BNC2: variants seen among roughly 807,000 people sequenced by gnomAD.
BNC2 encodes the protein zinc finger protein basonuclin-2.
A neutral mutation model predicts 76.3 loss-of-function variants in BNC2; 20 were observed. The observed-to-expected ratio is 0.26, with a 90% CI of 0.18 to 0.38. The LOEUF is 0.38. Ranked by LOEUF, BNC2 falls within the 10% of genes least tolerant of loss-of-function variation. BNC2 has a pLI of 1.00. For missense variants in BNC2, 1,382 were observed against 1,399.8 expected, an observed-to-expected ratio of 0.99 and a Z score of 0.20; for synonymous variants, 582 against 514.8, an observed-to-expected ratio of 1.13 and a Z score of -1.77.
intron 1 of BNC2, among the ~76,000 whole-genome samples, chr9:16,753,737 C>T (rs1372627995): frequency 6.6e-6 from 1 of 152,182 alleles, no homozygotes; most frequent in Non-Finnish European, 1.5e-5. Flanking sequence ...ATAAATATTT[C>T]TTCAAAATAA....
chr9:16,856,826 A>G (rs1359662682), intron 1 of BNC2, among the ~76,000 whole-genome samples: 1 of 152,192 alleles, frequency 6.6e-6, no homozygotes, highest in East Asian at 1.9e-4. Context: ...ACCTGTTAGC[A>G]TTCGTGTTGA....
At chr9:16,802,777 G>T (rs1278803985) in intron 1 of BNC2, among the ~76,000 whole-genome samples, 2 of 152,202 alleles carry the variant, frequency 1.3e-5, no homozygotes, top group South Asian at 2.1e-4. Flanking sequence ...TTCAGACCTA[G>T]AGATTCTGCT....
chr9:16,756,730 C>T (rs1003800327), intron 1 of BNC2, among the ~76,000 whole-genome samples: 1 of 152,182 alleles, frequency 6.6e-6, no homozygotes, highest in Non-Finnish European at 1.5e-5. Flanking sequence ...GGGCTCACGC[C>T]TATAATCCCA....
chr9:16,800,511 T>C (rs1375042344), intron 1 of BNC2, among the ~76,000 whole-genome samples: 1 of 152,116 alleles, frequency 6.6e-6, no homozygotes, highest in African/African-American at 2.4e-5. Flanking sequence ...AACCAGTTAC[T>C]TAACCAGTAA....
chr9:16,843,568 A>G (rs879755129), intron 1 of BNC2, among the ~76,000 whole-genome samples: 7 of 152,206 alleles, frequency 4.6e-5, no homozygotes, highest in Non-Finnish European at 8.8e-5. Context: ...TCCTGACCTC[A>G]AGTGATCCAC....
At chr9:16,870,171 G>A (rs1434665250) in intron 1 of BNC2, among the ~76,000 whole-genome samples, 4 of 146,456 alleles carry the variant, frequency 2.7e-5, no homozygotes, top group African/African-American at 1.0e-4. Flanking sequence ...CGGCACCCAC[G>A]CCCAGCCGCC....
At chr9:16,578,992 GA>G (rs976785533) in intron 4 of BNC2, among the ~76,000 whole-genome samples, 2 of 150,942 alleles carry the variant, frequency 1.3e-5, no homozygotes, top group African/African-American at 2.4e-5. Context: ...TTTACCAAGA[GA>G]AAAAAAAATG....
At chr9:16,484,738 C>A (rs1822125491) in intron 5 of BNC2, among the ~76,000 whole-genome samples, 1 of 152,194 alleles carries the variant, frequency 6.6e-6, no homozygotes, top group Non-Finnish European at 1.5e-5. Context: ...TCAGGTGCTA[C>A]ATTTCACTGT....
chr9:16,451,883 C>T (rs543928238), intron 5 of BNC2, among the ~76,000 whole-genome samples: 1 of 152,238 alleles, frequency 6.6e-6, no homozygotes, highest in East Asian at 1.9e-4. Flanking sequence ...TTTATAAATG[C>T]TATGAATGTA....
intron 4 of BNC2, among the ~76,000 whole-genome samples, chr9:16,577,484 C>T (rs1263066180): frequency 6.6e-6 from 1 of 151,888 alleles, no homozygotes; most frequent in African/African-American, 2.4e-5. Flanking sequence ...TCATCATTTC[C>T]GTGGAAGAAC....
intron 5 of BNC2, among the ~76,000 whole-genome samples, chr9:16,456,265 C>G (rs1350585608): frequency 6.6e-6 from 1 of 152,136 alleles, no homozygotes; most frequent in African/African-American, 2.4e-5. Flanking sequence ...CTTTCAGCAT[C>G]TGTTTTTATG....
chr9:16,435,104 A>G (rs765353811), intron 6 of BNC2: 15 of 471,222 alleles, frequency 3.2e-5, no homozygotes, highest in Non-Finnish European at 6.6e-5. Flanking sequence ...CTGTTTCTAT[A>G]TTGGATAAAT....
Position 16,418,942 on chromosome 9 carries a change from C to T in BNC2, c.*47G>A, listed in dbSNP as rs779932369. ...CACACTGACTATGGCAGTTCAAACACGTAGGCCATCTGGTGAGAGCTGGCA... is the reference window on the plus strand; with the variant it reads ...CACACTGACTATGGCAGTTCAAACATGTAGGCCATCTGGTGAGAGCTGGCA... On this transcript the variant is annotated 3_prime_UTR_variant, in exon 7 of 7. Coordinates refer to ENST00000380672, the MANE Select transcript of BNC2 (RefSeq NM_017637.6). 9.3e-6 allele frequency: 15 copies of T among 1,605,128 alleles called. No homozygotes were observed. The highest frequency in any genetic ancestry group is 1.6e-4 in the Middle Eastern group (1 of 6,068).
intron 1 of BNC2, among the ~76,000 whole-genome samples, chr9:16,840,619 A>T (rs1818802531): frequency 6.6e-6 from 1 of 152,192 alleles, no homozygotes; most frequent in African/African-American, 2.4e-5. Context: ...AAGACTCAAG[A>T]ACTTAGATGG....
intron 1 of BNC2, among the ~76,000 whole-genome samples, chr9:16,844,292 TA>T (rs1174283802): frequency 6.6e-6 from 1 of 151,982 alleles, no homozygotes; most frequent in East Asian, 1.9e-4. Flanking sequence ...TACGACTAAA[TA>T]CTATTAATAT....
chr9:16,549,352 C>T (rs1818588355), intron 5 of BNC2, among the ~76,000 whole-genome samples: 1 of 152,206 alleles, frequency 6.6e-6, no homozygotes, highest in African/African-American at 2.4e-5. Context: ...GACTAACAGC[C>T]ACCCTAACCT....
intron 3 of BNC2, among the ~76,000 whole-genome samples, chr9:16,620,923 T>C (rs771523156): frequency 4.6e-5 from 7 of 152,154 alleles, no homozygotes; most frequent in Non-Finnish European, 8.8e-5. Context: ...CACCTGGAAC[T>C]GCTATACCTT....
At chr9:16,573,112 C>T (rs1218878801) in intron 4 of BNC2, among the ~76,000 whole-genome samples, 1 of 151,060 alleles carries the variant, frequency 6.6e-6, no homozygotes, top group Non-Finnish European at 1.5e-5. Context: ...CCTGTGGTCC[C>T]AGCTACTCAG....
chr9:16,710,890 T>C (rs888758458), intron 3 of BNC2, among the ~76,000 whole-genome samples: 4 of 152,148 alleles, frequency 2.6e-5, no homozygotes, highest in Non-Finnish European at 5.9e-5. Flanking sequence ...ACTGGGAAAA[T>C]GAAGAAAAAC....
Sources: allele counts gnomAD v4.1 joint callset (sites outside exome capture counted in the v4.1 genomes callset), GRCh38; gene constraint gnomAD v4.1.1; transcripts MANE v1.5; gene names NCBI Gene and HGNC (gene_info 2026-07-23, HGNC 2026-07-21).